MAN2A1: variants seen among roughly 807,000 people sequenced by gnomAD.
The protein encoded by MAN2A1 is alpha-mannosidase 2.
MAN2A1 carries 76 observed loss-of-function variants against 142.6 expected under a neutral mutation model. The observed-to-expected ratio is 0.53, with a 90% CI of 0.44 to 0.65. The LOEUF (loss-of-function observed/expected upper bound fraction) is 0.65. Among genes scored for constraint, MAN2A1 ranks in the 30% least tolerant of loss-of-function variants. The pLI, the probability that MAN2A1 is intolerant of heterozygous loss-of-function variation, is 0.00. For synonymous variants in MAN2A1, 559 were observed against 473.2 expected, an observed-to-expected ratio of 1.18 and a Z score of -2.35; for missense variants, 1,311 against 1,365.1, an observed-to-expected ratio of 0.96 and a Z score of 0.62.
chr5:109,740,505 G>T (rs1007498095), intron 4 of MAN2A1, among the ~76,000 whole-genome samples: 4 of 149,562 alleles, frequency 2.7e-5, no homozygotes, highest in Admixed American at 2.0e-4. Flanking sequence ...GGCTGCTTGT[G>T]GTCAGGTGAG....
Position 109,731,267 on chromosome 5 carries a change from C to G in MAN2A1, c.707+1754C>G, listed in dbSNP as rs915868967. On this transcript the variant is annotated intron_variant, in intron 4 of 21. Transcript: ENST00000261483. ...ATTTTGAAATATATGATACATTATT[C>G]TTTTTTTTTTTAAGCAATTGACCAA... Among the ~76,000 whole-genome samples the G allele has an allele frequency of 3.5e-5, 5 of 143,536 alleles. No individual in the cohort carries two copies. The South Asian group carries it at 8.9e-4, about 26-fold the overall frequency. 94.2% of individuals were successfully genotyped at this position (143,536 alleles called of 152,430 possible).
At chr5:109,806,735 C>T (rs983439420) in intron 12 of MAN2A1, among the ~76,000 whole-genome samples, 4 of 152,184 alleles carry the variant, frequency 2.6e-5, no homozygotes, top group Admixed American at 2.6e-4. Flanking sequence ...TAGTTGCCAA[C>T]AGCAATTTTA....
intron 8 of MAN2A1, among the ~76,000 whole-genome samples, chr5:109,775,650 T>C (rs902474335): frequency 2.0e-5 from 3 of 152,130 alleles, no homozygotes; most frequent in Admixed American, 6.6e-5. Context: ...TAGGATTATA[T>C]TGAAGCCAAT....
chr5:109,784,698 C>T, intron 9 of MAN2A1, 46 bp from the exon 10 acceptor site: 1 of 1,426,132 alleles, frequency 7.0e-7, no homozygotes, highest in East Asian at 2.4e-5. Flanking sequence ...AGATTATAAG[C>T]TAAAGTGTTT....
chr5:109,841,437 T>C (rs1755202383), intron 16 of MAN2A1, among the ~76,000 whole-genome samples: 1 of 152,192 alleles, frequency 6.6e-6, no homozygotes, highest in Non-Finnish European at 1.5e-5. Context: ...AGAATAATAG[T>C]CTCCAGTCTC....
intron 19 of MAN2A1, 127 bp downstream of exon 19, chr5:109,847,917 G>A (rs1352356423): frequency 1.8e-6 from 1 of 563,620 alleles, no homozygotes; most frequent in Non-Finnish European, 2.7e-6. Flanking sequence ...TATAGTAGAT[G>A]TGGCCCACAT....
chr5:109,715,028 A>G (rs1012732818), intron 2 of MAN2A1, among the ~76,000 whole-genome samples: 1 of 151,592 alleles, frequency 6.6e-6, no homozygotes, highest in South Asian at 2.1e-4. Flanking sequence ...TGTGTGGTCT[A>G]AATCTGGGCT....
intron 4 of MAN2A1, among the ~76,000 whole-genome samples, chr5:109,750,833 ATTGTATTT>A (rs1397511598): frequency 6.6e-6 from 1 of 151,962 alleles, no homozygotes; most frequent in African/African-American, 2.4e-5. Flanking sequence ...TGGCTGTTTT[ATTGTATTT>A]TTATATTTTT....
intron 3 of MAN2A1, among the ~76,000 whole-genome samples, chr5:109,724,232 T>C (rs894514129): frequency 2.0e-5 from 3 of 152,084 alleles, no homozygotes; most frequent in Admixed American, 6.6e-5. Context: ...GAAAATACCT[T>C]AATTACTAGA....
intron 16 of MAN2A1, among the ~76,000 whole-genome samples, chr5:109,828,434 C>T (rs962272228): frequency 6.6e-6 from 1 of 152,166 alleles, no homozygotes. Flanking sequence ...TAATACTGCA[C>T]CTACAAGGAA....
At chr5:109,745,661 C>T (rs557737697) in intron 4 of MAN2A1, among the ~76,000 whole-genome samples, 5 of 152,246 alleles carry the variant, frequency 3.3e-5, no homozygotes, top group Non-Finnish European at 7.4e-5. Context: ...CTTTGTCACT[C>T]AGGCTGGAGT....
chr5:109,864,266 A>C (rs747987381), intron 20 of MAN2A1: 1 of 152,254 alleles, frequency 6.6e-6, no homozygotes, highest in Non-Finnish European at 1.5e-5. Context: ...TTAGGAAACA[A>C]AATTTATTAA....
intron 13 of MAN2A1, among the ~76,000 whole-genome samples, chr5:109,817,801 C>T (rs1044345299): frequency 2.6e-5 from 4 of 151,954 alleles, no homozygotes; most frequent in Non-Finnish European, 4.4e-5. Flanking sequence ...TTATGCATAT[C>T]GAAAGTGAGA....
At chr5:109,800,807 G>A (rs1287228042) in intron 12 of MAN2A1, among the ~76,000 whole-genome samples, 4 of 152,138 alleles carry the variant, frequency 2.6e-5, no homozygotes, top group African/African-American at 9.7e-5. Context: ...TGGAAGAAGT[G>A]CTTGGTACAT....
rs1751919915 is a variant in MAN2A1 at position 109,731,762 on chromosome 5, T to C, written c.707+2249T>C. 3.3e-5 allele frequency among the ~76,000 whole-genome samples: 5 copies of C among 151,968 alleles called. No homozygotes were observed. In the South Asian group the frequency reaches 1.0e-3, roughly 32 times the overall value. ...ACATTTTCTTAATGCAGTCTATCAT[T>C]GTTGGACATTTGGATTGGCTCCAAG... On this transcript the variant is annotated intron_variant, in intron 4 of 21. Transcript: ENST00000261483.
chr5:109,700,316 G>A (rs1750941446), intron 1 of MAN2A1, among the ~76,000 whole-genome samples: 1 of 135,176 alleles, frequency 7.4e-6, no homozygotes, highest in Admixed American at 7.7e-5. Context: ...CACAATTACT[G>A]TTTCCTCAAA....
chr5:109,803,382 C>T (rs1315117489), intron 12 of MAN2A1, among the ~76,000 whole-genome samples: 1 of 151,944 alleles, frequency 6.6e-6, no homozygotes, highest in Non-Finnish European at 1.5e-5. Context: ...TAACTAATTG[C>T]ATGGTTCTAG....
intron 8 of MAN2A1, among the ~76,000 whole-genome samples, chr5:109,776,779 T>C (rs962477961): frequency 1.3e-5 from 2 of 152,188 alleles, no homozygotes; most frequent in Admixed American, 6.5e-5. Context: ...AAGCAACCAC[T>C]ACTTTCACAT....
intron 1 of MAN2A1, among the ~76,000 whole-genome samples, chr5:109,695,833 G>A (rs1229720118): frequency 1.3e-5 from 2 of 152,094 alleles, no homozygotes; most frequent in African/African-American, 4.8e-5. Flanking sequence ...ACTAAAATGG[G>A]TTTCTGTTTC....
Sources: allele counts gnomAD v4.1 joint callset (sites outside exome capture counted in the v4.1 genomes callset), GRCh38; gene constraint gnomAD v4.1.1; transcripts MANE v1.5; gene names NCBI Gene and HGNC (gene_info 2026-07-23, HGNC 2026-07-21).